Variants in ABTB3 observed in about 807,000 individuals in gnomAD.
The protein encoded by ABTB3 is ankyrin repeat and BTB domain containing 3, also known as ankyrin repeat- and BTB/POZ domain-containing protein 3.
At chr12:107,339,515 GT>G in the ABTB3 span, among the ~76,000 whole-genome samples, 2 of 152,188 alleles carry the variant, frequency 1.3e-5, no homozygotes, top group African/African-American at 2.4e-5. Context: ...CAGTCATCAT[GT>G]TTTCCTTAAA....
At chr12:107,351,577 C>G in the ABTB3 span, among the ~76,000 whole-genome samples, 7 of 152,154 alleles carry the variant, frequency 4.6e-5, no homozygotes, top group South Asian at 1.5e-3. Context: ...ACTCTGCTCT[C>G]ATGAATGGAT....
the ABTB3 span, among the ~76,000 whole-genome samples, chr12:107,608,612 G>A: frequency 1.3e-5 from 2 of 152,106 alleles, no homozygotes; most frequent in African/African-American, 4.8e-5. Flanking sequence ...GCTCATGCTT[G>A]TAATTCCAGC....
the ABTB3 span, chr12:107,658,944 CA>C: frequency 6.6e-6 from 1 of 152,592 alleles, no homozygotes; most frequent in African/African-American, 2.4e-5. Flanking sequence ...AAGTTTATAT[CA>C]ACAGGGTTTC....
the ABTB3 span, among the ~76,000 whole-genome samples, chr12:107,593,834 C>T: frequency 6.6e-6 from 1 of 152,280 alleles, no homozygotes; most frequent in East Asian, 1.9e-4. Flanking sequence ...AGCAGGACTA[C>T]GTCTATCTAG....
chr12:107,652,445 C>T, the ABTB3 span, among the ~76,000 whole-genome samples: 1 of 152,152 alleles, frequency 6.6e-6, no homozygotes, highest in African/African-American at 2.4e-5. Context: ...GGGAGTAGAA[C>T]CTGGAAAAAG....
chr12:107,322,810 C>G, the ABTB3 span, among the ~76,000 whole-genome samples: 1 of 150,812 alleles, frequency 6.6e-6, no homozygotes, highest in Non-Finnish European at 1.5e-5. Flanking sequence ...GTACTCTTAA[C>G]TCCTGTCTGT....
the ABTB3 span, among the ~76,000 whole-genome samples, chr12:107,477,591 A>G: frequency 6.6e-6 from 1 of 152,198 alleles, no homozygotes; most frequent in Admixed American, 6.5e-5. Flanking sequence ...TCAAAAATTT[A>G]ATCTCAAAAG....
chr12:107,495,674 G>A, the ABTB3 span, among the ~76,000 whole-genome samples: 2 of 152,176 alleles, frequency 1.3e-5, no homozygotes, highest in Non-Finnish European at 2.9e-5. Flanking sequence ...AAGCCCTTCT[G>A]TATCTACAGC....
chr12:107,492,635 C>T, the ABTB3 span, among the ~76,000 whole-genome samples: 1 of 152,130 alleles, frequency 6.6e-6, no homozygotes, highest in Non-Finnish European at 1.5e-5. Flanking sequence ...ATCTCTGTAG[C>T]CTCCTTCATA....
chr12:107,488,664 A>G, the ABTB3 span, among the ~76,000 whole-genome samples: 7 of 149,708 alleles, frequency 4.7e-5, no homozygotes, highest in East Asian at 1.4e-3. Context: ...AATTATATGT[A>G]TATATATATA....
chr12:107,421,331 C>T, the ABTB3 span, among the ~76,000 whole-genome samples: 1 of 152,162 alleles, frequency 6.6e-6, no homozygotes, highest in African/African-American at 2.4e-5. Context: ...AAGGGATTTC[C>T]TTTAAATACC....
chr12:107,349,791 C>T, the ABTB3 span, among the ~76,000 whole-genome samples: 1 of 152,166 alleles, frequency 6.6e-6, no homozygotes, highest in Non-Finnish European at 1.5e-5. Context: ...TGCAACTCTA[C>T]CCAGGGATAA....
the ABTB3 span, among the ~76,000 whole-genome samples, chr12:107,542,846 A>G: frequency 6.6e-6 from 1 of 152,246 alleles, no homozygotes; most frequent in Non-Finnish European, 1.5e-5. Context: ...CATTAAGTGG[A>G]AGCAGATCAT....
the ABTB3 span, among the ~76,000 whole-genome samples, chr12:107,633,985 T>C: frequency 6.6e-6 from 1 of 152,224 alleles, no homozygotes; most frequent in Non-Finnish European, 1.5e-5. Context: ...GTTATTTTTA[T>C]GAGTATTAAG....
the ABTB3 span, among the ~76,000 whole-genome samples, chr12:107,445,345 T>C: frequency 6.6e-6 from 1 of 152,204 alleles, no homozygotes; most frequent in African/African-American, 2.4e-5. Context: ...ATTGCACACC[T>C]ACCATATGCC....
the ABTB3 span, among the ~76,000 whole-genome samples, chr12:107,346,731 T>C: frequency 2.0e-5 from 3 of 152,200 alleles, no homozygotes; most frequent in Non-Finnish European, 4.4e-5. Context: ...AGTGCTGGGA[T>C]TACAGGCGTG....
the ABTB3 span, among the ~76,000 whole-genome samples, chr12:107,625,779 C>T: frequency 1.3e-5 from 2 of 152,094 alleles, no homozygotes; most frequent in African/African-American, 4.8e-5. Flanking sequence ...GGGGGCAATA[C>T]TCTTTACTGG....
chr12:107,416,571 T>C, the ABTB3 span, among the ~76,000 whole-genome samples: 1 of 152,196 alleles, frequency 6.6e-6, no homozygotes, highest in African/African-American at 2.4e-5. Context: ...TTTCCAGGAG[T>C]AACTCACTTA....
the ABTB3 span, among the ~76,000 whole-genome samples, chr12:107,380,583 G>C: frequency 1.3e-5 from 2 of 152,162 alleles, no homozygotes; most frequent in Non-Finnish European, 2.9e-5. Context: ...GTCTAAGGCT[G>C]ATTTACCTAG....
Sources: allele counts gnomAD v4.1 joint callset (sites outside exome capture counted in the v4.1 genomes callset), GRCh38; gene constraint gnomAD v4.1.1; transcripts MANE v1.5; gene names NCBI Gene and HGNC (gene_info 2026-07-23, HGNC 2026-07-21).